Variants in NREP observed in about 807,000 individuals in gnomAD.
NREP encodes the protein neuronal regeneration-related protein.
NREP carries 5 observed loss-of-function variants against 8.6 expected under a neutral mutation model. The observed-to-expected ratio is 0.58, with a 90% confidence interval of 0.30 to 1.22. The LOEUF (loss-of-function observed/expected upper bound fraction) is 1.22. Ranked by LOEUF, NREP falls within the 50% of genes most tolerant of loss-of-function variation. The probability of loss-of-function intolerance (pLI) is 0.07; values close to 1 mark genes in which losing one functional copy is unlikely to be tolerated. For missense variants in NREP, 86 were observed against 82.5 expected, an observed-to-expected ratio of 1.04 and a Z score of -0.17; for synonymous variants, 27 against 28.0, an observed-to-expected ratio of 0.96 and a Z score of 0.11.
chr5:111,806,745 C>T (rs1365983674), intron 2 of NREP, among the ~76,000 whole-genome samples: 1 of 150,020 alleles, frequency 6.7e-6, no homozygotes, highest in Non-Finnish European at 1.5e-5. Flanking sequence ...GGATGCAGTT[C>T]TCTGTTACGA....
chr5:111,780,341 A>T (rs1288698981), intron 2 of NREP, among the ~76,000 whole-genome samples: 2 of 152,198 alleles, frequency 1.3e-5, no homozygotes, highest in Non-Finnish European at 2.9e-5. Context: ...GCATAAGAAA[A>T]TGAAAGGTAT....
intron 2 of NREP, among the ~76,000 whole-genome samples, chr5:111,785,595 T>C (rs1412954005): frequency 6.6e-6 from 1 of 152,154 alleles, no homozygotes; most frequent in South Asian, 2.1e-4. Context: ...ACTATTCTTA[T>C]TTGAAGCTTT....
chr5:111,735,198 C>A, intron 3 of NREP: 2 of 418,938 alleles, frequency 4.8e-6, no homozygotes, highest in East Asian at 4.1e-5. Context: ...AAACTGATTC[C>A]ATGTTTTAAA....
At chr5:111,910,079 A>G (rs1754871648) in intron 2 of NREP, among the ~76,000 whole-genome samples, 1 of 152,092 alleles carries the variant, frequency 6.6e-6, no homozygotes, top group South Asian at 2.1e-4. Flanking sequence ...GAGAACATAT[A>G]TTACTGAATT....
intron 2 of NREP, among the ~76,000 whole-genome samples, chr5:111,877,819 G>A (rs1261243556): frequency 7.1e-6 from 1 of 140,690 alleles, no homozygotes; most frequent in Middle Eastern, 3.2e-3. Flanking sequence ...CAGGGAAGAA[G>A]CTCAGACAGA....
intron 2 of NREP, among the ~76,000 whole-genome samples, chr5:111,812,146 G>T (rs973152789): frequency 6.6e-6 from 1 of 152,072 alleles, no homozygotes; most frequent in African/African-American, 2.4e-5. Flanking sequence ...AATTATCTGG[G>T]CCTGGTGGCT....
At chr5:111,855,953 C>G (rs1218639804) in intron 2 of NREP, among the ~76,000 whole-genome samples, 1 of 152,214 alleles carries the variant, frequency 6.6e-6, no homozygotes, top group Non-Finnish European at 1.5e-5. Flanking sequence ...GTCTACTTTT[C>G]TTTGATGTTA....
In NREP at chr5:111,887,183, C is replaced by G. The variant is rs373932690; in HGVS notation, c.135+88091G>C. ...CAGCAATCTTCCTTCCTTGGTCTCCCAAGGTGCTGAGATTACAGGTGTAAA... is the reference window on the plus strand; with the variant it reads ...CAGCAATCTTCCTTCCTTGGTCTCCGAAGGTGCTGAGATTACAGGTGTAAA... On this transcript the variant is annotated intron_variant, in intron 2 of 3. Coordinates refer to the NREP transcript ENST00000395634. Among the ~76,000 whole-genome samples the G allele has an allele frequency of 2.0e-4, 31 of 152,060 alleles. No individual in the cohort carries two copies. In the South Asian group the frequency reaches 6.0e-3, roughly 30 times the overall value.
chr5:111,798,815 C>A (rs915447576), intron 2 of NREP, among the ~76,000 whole-genome samples: 3 of 150,082 alleles, frequency 2.0e-5, no homozygotes, highest in African/African-American at 4.9e-5. Flanking sequence ...GTTTCTTTAT[C>A]CACTCATTGA....
chr5:111,735,553 C>T (rs1301276609), intron 2 of NREP, 46 bp from the exon 3 acceptor site: 2 of 1,353,480 alleles, frequency 1.5e-6, no homozygotes, highest in East Asian at 2.3e-5. Flanking sequence ...AAACAGGATC[C>T]ACTCTGAAAC....
chr5:111,753,330 T>TTA (rs10546970), intron 2 of NREP, among the ~76,000 whole-genome samples: 3,906 of 140,730 alleles, frequency 0.028, 118 homozygotes, highest in African/African-American at 0.084. Flanking sequence ...CAAGTTGATT[T>TTA]TATATATATA....
intron 2 of NREP, among the ~76,000 whole-genome samples, chr5:111,963,781 C>A (rs1316446346): frequency 1.3e-5 from 2 of 152,198 alleles, no homozygotes; most frequent in African/African-American, 4.8e-5. Flanking sequence ...GGAACAGAAA[C>A]TGAGCCTTTG....
intron 2 of NREP, among the ~76,000 whole-genome samples, chr5:111,788,532 T>A (rs746007557): frequency 6.6e-6 from 1 of 152,184 alleles, no homozygotes; most frequent in Non-Finnish European, 1.5e-5. Flanking sequence ...CAGAACTGAC[T>A]GGGAAGAACA....
chr5:111,880,998 G>A (rs988919679), intron 2 of NREP, among the ~76,000 whole-genome samples: 8 of 152,188 alleles, frequency 5.3e-5, no homozygotes, highest in African/African-American at 2.4e-5. Context: ...GCAGCGCACC[G>A]TGCATGAGCC....
chr5:111,923,154 A>G (rs1755292930), intron 2 of NREP, among the ~76,000 whole-genome samples: 1 of 152,184 alleles, frequency 6.6e-6, no homozygotes, highest in African/African-American at 2.4e-5. Flanking sequence ...GAGTTGGTAT[A>G]AATGTTAGCT....
chr5:111,883,479 G>T (rs1754144359), intron 2 of NREP, among the ~76,000 whole-genome samples: 2 of 152,112 alleles, frequency 1.3e-5, no homozygotes, highest in African/African-American at 2.4e-5. Flanking sequence ...AGACCTAATA[G>T]ACATCTACAG....
intron 2 of NREP, among the ~76,000 whole-genome samples, chr5:111,773,610 T>C (rs1416220759): frequency 6.6e-6 from 1 of 152,182 alleles, no homozygotes; most frequent in Non-Finnish European, 1.5e-5. Context: ...TGCCCCTTGG[T>C]ACATTATAAT....
At chr5:111,878,457 C>A (rs945461992) in intron 2 of NREP, among the ~76,000 whole-genome samples, 1 of 152,118 alleles carries the variant, frequency 6.6e-6, no homozygotes, top group Non-Finnish European at 1.5e-5. Context: ...CTCACTATCC[C>A]AAGAACAGCA....
At chr5:111,843,054 A>T (rs1402698641) in intron 2 of NREP, among the ~76,000 whole-genome samples, 1 of 152,110 alleles carries the variant, frequency 6.6e-6, no homozygotes, top group Non-Finnish European at 1.5e-5. Context: ...ATTTTTGATT[A>T]TTTGGGATCC....
Sources: gnomAD v4.1 joint callset for allele counts (sites outside exome capture counted in the v4.1 genomes callset) on GRCh38, gnomAD v4.1.1 for gene constraint, MANE v1.5 for transcripts, NCBI Gene and HGNC (gene_info 2026-07-23, HGNC 2026-07-21) for gene names.